The following TENM1 variants were observed in gnomAD, a reference collection of about 807,000 sequenced individuals.
TENM1 encodes the protein teneurin transmembrane protein 1, also known as teneurin-1.
A neutral mutation model predicts 174.8 loss-of-function variants in TENM1; 35 were observed. The ratio of observed to expected loss-of-function variants is 0.20; its 90% CI spans 0.15 to 0.27. TENM1 has a LOEUF of 0.27. Among genes scored for constraint, TENM1 ranks in the 10% least tolerant of loss-of-function variants. The pLI, the probability that TENM1 is intolerant of heterozygous loss-of-function variation, is 1.00. For missense variants in TENM1, 1,633 were observed against 2,130.1 expected, an observed-to-expected ratio of 0.77 and a Z score of 4.59; for synonymous variants, 781 against 798.7, an observed-to-expected ratio of 0.98 and a Z score of 0.37.
At chrX:124,786,123 T>A (rs1030210536) in intron 3 of TENM1, among the ~76,000 whole-genome samples, 7 of 111,386 alleles carry the variant, frequency 6.3e-5, no homozygotes, top group African/African-American at 2.3e-4. Context: ...ATAATATATA[T>A]TCACTATGAT....
chrX:124,487,771 A>C (rs992183028), intron 20 of TENM1, among the ~76,000 whole-genome samples: 5 of 111,870 alleles, frequency 4.5e-5, no homozygotes, highest in African/African-American at 1.6e-4. Flanking sequence ...CTGTTTTATT[A>C]TCAAATTGTG....
intron 11 of TENM1, among the ~76,000 whole-genome samples, chrX:124,565,887 G>T (rs1252847274): frequency 8.9e-6 from 1 of 111,761 alleles, no homozygotes; most frequent in East Asian, 2.8e-4. Context: ...GAATGAATGT[G>T]CAAGAAACTC....
intron 3 of TENM1, among the ~76,000 whole-genome samples, chrX:124,776,674 A>T (rs909135744): frequency 8.9e-6 from 1 of 112,041 alleles, no homozygotes; most frequent in South Asian, 3.7e-4. Flanking sequence ...GTATGTCATA[A>T]ATATTTCATA....
chrX:124,521,174 C>T (rs1355929306), intron 17 of TENM1, among the ~76,000 whole-genome samples: 5 of 111,736 alleles, frequency 4.5e-5, no homozygotes, highest in African/African-American at 1.6e-4. Context: ...CTTATACAGA[C>T]ATACACAAAA....
At chrX:124,777,723 T>G (rs1186877074) in intron 3 of TENM1, among the ~76,000 whole-genome samples, 1 of 112,476 alleles carries the variant, frequency 8.9e-6, no homozygotes, top group African/African-American at 3.2e-5. Context: ...ATAATTAACA[T>G]TTAAAGTGTG....
chrX:124,931,737 T>C (rs1767995062), intron 1 of TENM1, among the ~76,000 whole-genome samples: 1 of 110,867 alleles, frequency 9.0e-6, no homozygotes. Flanking sequence ...TGGCCTACGC[T>C]GGAGAAAGAA....
the TENM1 span, among the ~76,000 whole-genome samples, chrX:125,065,754 G>A: frequency 8.9e-6 from 1 of 111,999 alleles, no homozygotes; most frequent in African/African-American, 3.3e-5. Context: ...TACTACACAA[G>A]TACATGGAAA....
chrX:124,498,722 T>G (rs907412866), intron 19 of TENM1, among the ~76,000 whole-genome samples: 20 of 109,736 alleles, frequency 1.8e-4, no homozygotes, highest in Admixed American at 3.0e-4. Flanking sequence ...CTCCTCTGTG[T>G]GCCCATAGTT....
intron 1 of TENM1, among the ~76,000 whole-genome samples, chrX:124,899,398 G>A (rs2057618736): frequency 9.0e-6 from 1 of 110,646 alleles, no homozygotes; most frequent in African/African-American, 3.3e-5. Flanking sequence ...TCTTCATGTT[G>A]CCCAGGTTGG....
chrX:124,503,669 G>A, exon 19 of TENM1: 1 of 1,204,669 alleles, frequency 8.3e-7, no homozygotes, highest in Non-Finnish European at 1.1e-6. Flanking sequence ...AGAGAATAAA[G>A]TCAGGGCACG....
chrX:125,019,507 T>C, the TENM1 span, among the ~76,000 whole-genome samples: 6 of 111,529 alleles, frequency 5.4e-5, no homozygotes, highest in Non-Finnish European at 1.1e-4. Context: ...TTTCCTAAAG[T>C]AGCAGATATT....
the TENM1 span, among the ~76,000 whole-genome samples, chrX:125,110,982 G>A: frequency 8.9e-6 from 1 of 112,036 alleles, no homozygotes; most frequent in Non-Finnish European, 1.9e-5. Flanking sequence ...TCTTTGTTTT[G>A]TTCACTGGTA....
chrX:124,846,772 C>T (rs1042050211), intron 3 of TENM1, among the ~76,000 whole-genome samples: 2 of 110,995 alleles, frequency 1.8e-5, no homozygotes, highest in African/African-American at 6.5e-5. Flanking sequence ...ATCTTCTTCC[C>T]CACTGCATGA....
exon 8 of TENM1, chrX:124,651,992 C>A (rs763554924): frequency 8.3e-7 from 1 of 1,211,279 alleles, no homozygotes; most frequent in Non-Finnish European, 1.1e-6. Flanking sequence ...GGTCCTTGAT[C>A]CATATACTCT....
chrX:124,786,637 A>C (rs764959119), intron 3 of TENM1, among the ~76,000 whole-genome samples: 2 of 112,348 alleles, frequency 1.8e-5, no homozygotes, highest in South Asian at 3.7e-4. Context: ...AACCATATAT[A>C]TGCAATTGTC....
At chrX:124,698,315 A>G (rs1484999601) in intron 5 of TENM1, among the ~76,000 whole-genome samples, 1 of 110,802 alleles carries the variant, frequency 9.0e-6, no homozygotes, top group East Asian at 2.8e-4. Context: ...TTTGCTATCT[A>G]TCTTGACTAA....
intron 5 of TENM1, among the ~76,000 whole-genome samples, chrX:124,699,388 C>T (rs188353834): frequency 1.8e-5 from 2 of 110,691 alleles, no homozygotes; most frequent in African/African-American, 3.3e-5. Context: ...TTTTCCTAGC[C>T]GGGCTAAGAA....
chrX:124,657,981 T>C (rs1487911000), intron 6 of TENM1, among the ~76,000 whole-genome samples: 1 of 112,382 alleles, frequency 8.9e-6, no homozygotes, highest in Non-Finnish European at 1.9e-5. Flanking sequence ...TGTCTCACGA[T>C]ATAAGTATCA....
chrX:124,790,622 G>A (rs943528496), intron 3 of TENM1, among the ~76,000 whole-genome samples: 1 of 111,654 alleles, frequency 9.0e-6, no homozygotes, highest in East Asian at 2.8e-4. Flanking sequence ...ATGGAAAAGA[G>A]GAACATCAAA....
Sources: gnomAD v4.1 joint callset for allele counts (sites outside exome capture counted in the v4.1 genomes callset) on GRCh38, gnomAD v4.1.1 for gene constraint, MANE v1.5 for transcripts, NCBI Gene and HGNC (gene_info 2026-07-23, HGNC 2026-07-21) for gene names.